Variants in ROBO2 observed in about 807,000 individuals in gnomAD.
ROBO2 encodes the protein roundabout guidance receptor 2.
ROBO2 carries 53 observed loss-of-function variants against 160.8 expected under a neutral mutation model. That is an observed-to-expected ratio of 0.33 (90% CI 0.26 to 0.41). The LOEUF is 0.41. Ranked by LOEUF, ROBO2 falls within the 10% of genes least tolerant of loss-of-function variation. ROBO2 has a pLI of 1.00. For missense variants in ROBO2, 1,577 were observed against 1,722.4 expected (o/e 0.92, Z 1.49); for synonymous variants, 664 against 611.7 (o/e 1.09, Z -1.26).
At chr3:77,272,791 T>C (rs2059584732) in intron 2 of ROBO2, among the ~76,000 whole-genome samples, 1 of 152,168 alleles carries the variant, frequency 6.6e-6, no homozygotes, top group Non-Finnish European at 1.5e-5. Flanking sequence ...ATTTGAGATA[T>C]AAAATGTTGC....
At chr3:77,246,270 C>T (rs774950428) in intron 2 of ROBO2, among the ~76,000 whole-genome samples, 1 of 151,524 alleles carries the variant, frequency 6.6e-6, no homozygotes, top group Non-Finnish European at 1.5e-5. Flanking sequence ...TCCTAGAAGA[C>T]CTCTGCGACA....
intron 2 of ROBO2, among the ~76,000 whole-genome samples, chr3:76,814,252 A>G (rs1333716267): frequency 1.3e-5 from 2 of 152,172 alleles, no homozygotes; most frequent in African/African-American, 4.8e-5. Flanking sequence ...GGATATGGTG[A>G]TGGAGTAACT....
In ROBO2 at chr3:77,527,489, C is replaced by G. The variant is rs567818785; in HGVS notation, c.934+4587C>G. 1.3e-4 allele frequency: 133 copies of G among 1,015,282 alleles called. 1 individual carries two copies. The highest frequency in any genetic ancestry group is 2.3e-4 in the Admixed American group (8 of 34,492). 62.9% of individuals were successfully genotyped at this position (1,015,282 alleles called of 1,614,324 possible). A position where few individuals can be genotyped will look rare whatever the true frequency, so the allele number is the denominator to read the frequency against. On this transcript the variant is annotated intron_variant, in intron 6 of 25. Transcript: ENST00000461745. ...ATAACTCATGCATAGTAAGATTTGA[C>G]AGAATGAAATATATTTATTTTACCC...
chr3:77,004,276 C>T (rs1324793524), intron 2 of ROBO2, among the ~76,000 whole-genome samples: 1 of 152,112 alleles, frequency 6.6e-6, no homozygotes, highest in Non-Finnish European at 1.5e-5. Context: ...TTCTCAAATA[C>T]AGGAATAGGC....
intron 2 of ROBO2, among the ~76,000 whole-genome samples, chr3:77,473,629 G>T (rs2153582056): frequency 6.6e-6 from 1 of 151,046 alleles, no homozygotes. Context: ...AATTTTTTTT[G>T]GTATTTTTAG....
intron 2 of ROBO2, among the ~76,000 whole-genome samples, chr3:77,273,905 T>C (rs1185644157): frequency 6.6e-5 from 10 of 152,112 alleles, no homozygotes; most frequent in Admixed American, 6.6e-4. Flanking sequence ...TATTAATTTT[T>C]TGCCTGAAAA....
intron 2 of ROBO2, among the ~76,000 whole-genome samples, chr3:76,391,881 A>G (rs1419130694): frequency 6.6e-6 from 1 of 152,166 alleles, no homozygotes; most frequent in Non-Finnish European, 1.5e-5. Flanking sequence ...GTGAAAATCA[A>G]TGCCTCCTTG....
At chr3:76,919,418 T>C (rs866052009) in intron 2 of ROBO2, among the ~76,000 whole-genome samples, 3 of 152,176 alleles carry the variant, frequency 2.0e-5, no homozygotes, top group South Asian at 2.1e-4. Flanking sequence ...AACATTCTTA[T>C]TGGCAAATTT....
chr3:76,096,109 G>A (rs2069442350), intron 2 of ROBO2, among the ~76,000 whole-genome samples: 1 of 152,092 alleles, frequency 6.6e-6, no homozygotes, highest in Admixed American at 6.6e-5. Flanking sequence ...ATCTCCTCAT[G>A]TGTGCAGTGC....
At chr3:77,143,020 A>G (rs2076828483) in intron 2 of ROBO2, among the ~76,000 whole-genome samples, 2 of 152,098 alleles carry the variant, frequency 1.3e-5, no homozygotes, top group Admixed American at 1.3e-4. Context: ...CTAAGATTGT[A>G]CTAATTGAAA....
chr3:76,993,460 C>T (rs2060806719), intron 2 of ROBO2, among the ~76,000 whole-genome samples: 1 of 152,096 alleles, frequency 6.6e-6, no homozygotes, highest in Non-Finnish European at 1.5e-5. Flanking sequence ...TCATTCATAT[C>T]ATAATTTTTT....
chr3:77,385,019 GTTTGT>G (rs1333774466), intron 2 of ROBO2, among the ~76,000 whole-genome samples: 3 of 152,024 alleles, frequency 2.0e-5, no homozygotes, highest in Non-Finnish European at 2.9e-5. Flanking sequence ...TTTTTTGTTT[GTTTGT>G]TTTGTTTTTG....
chr3:76,571,498 T>C (rs571118933), intron 2 of ROBO2, among the ~76,000 whole-genome samples: 3 of 152,238 alleles, frequency 2.0e-5, no homozygotes, highest in African/African-American at 7.2e-5. Flanking sequence ...AGTAGTTAAC[T>C]TCATGAGATA....
At chr3:76,818,576 A>G (rs1430839733) in intron 2 of ROBO2, among the ~76,000 whole-genome samples, 1 of 152,038 alleles carries the variant, frequency 6.6e-6, no homozygotes, top group Non-Finnish European at 1.5e-5. Context: ...TGCCTAAGCC[A>G]GTATTTAAAA....
chr3:76,458,202 A>C (rs549371545), intron 2 of ROBO2, among the ~76,000 whole-genome samples: 1 of 152,286 alleles, frequency 6.6e-6, no homozygotes, highest in Non-Finnish European at 1.5e-5. Flanking sequence ...ATAAAACTGA[A>C]TGCCTTTGAC....
rs545964253 is a variant in ROBO2 at position 76,600,419 on chromosome 3, C to A, written c.110-497595C>A. Among the ~76,000 whole-genome samples, 404 of 152,254 alleles carry A rather than the reference C, an allele frequency of 2.7e-3. 3 individuals carry two copies. The highest frequency in any genetic ancestry group is 4.6e-3 in the Non-Finnish European group (314 of 68,028). On this transcript the variant is annotated intron_variant, in intron 2 of 26. Coordinates refer to the ROBO2 transcript ENST00000487694. ...TTCGTTTTCATGCTGCTGATAAGGA[C>A]ATGCAGGAGACTGGGTAATTTATGA...
chr3:77,175,620 A>G (rs1327174045), intron 2 of ROBO2, among the ~76,000 whole-genome samples: 2 of 152,022 alleles, frequency 1.3e-5, no homozygotes, highest in Admixed American at 6.6e-5. Context: ...CAGGAAGCCT[A>G]AATCAGGAAG....
At chr3:76,681,369 C>G (rs913045424) in intron 2 of ROBO2, among the ~76,000 whole-genome samples, 6 of 152,264 alleles carry the variant, frequency 3.9e-5, no homozygotes, top group Non-Finnish European at 7.4e-5. Flanking sequence ...CTATTGCATT[C>G]TAAGCACTTT....
At chr3:76,984,975 A>G (rs1186391896) in intron 2 of ROBO2, among the ~76,000 whole-genome samples, 15 of 152,162 alleles carry the variant, frequency 9.9e-5, no homozygotes, top group Admixed American at 2.0e-4. Flanking sequence ...TAAAATAATG[A>G]ATTCAGAATT....
Sources: gnomAD v4.1 joint callset for allele counts (sites outside exome capture counted in the v4.1 genomes callset) on GRCh38, gnomAD v4.1.1 for gene constraint, MANE v1.5 for transcripts, NCBI Gene and HGNC (gene_info 2026-07-23, HGNC 2026-07-21) for gene names.